The following SAMD5 variants were observed in gnomAD, a reference collection of about 807,000 sequenced individuals.
The protein encoded by SAMD5 is sterile alpha motif domain-containing protein 5.
Under a neutral mutation model 11.3 loss-of-function variants are expected in SAMD5, and 13 were observed. That is an observed-to-expected ratio of 1.15 (90% CI 0.75 to 1.83). SAMD5 has a LOEUF of 1.83. SAMD5 is among the 40% of genes most tolerant of loss of function. SAMD5 has a pLI of 0.00. For missense variants in SAMD5, 255 were observed against 239.1 expected (o/e 1.07, Z -0.44); for synonymous variants, 129 against 111.3 (o/e 1.16, Z -1.00).
chr6:147,852,049 A>G, the SAMD5 span, among the ~76,000 whole-genome samples: 1 of 152,196 alleles, frequency 6.6e-6, no homozygotes, highest in Non-Finnish European at 1.5e-5. Flanking sequence ...TATATTTTTC[A>G]GTATCATAAA....
chr6:147,562,688 G>A (rs1465479660), intron 1 of SAMD5, among the ~76,000 whole-genome samples: 2 of 152,158 alleles, frequency 1.3e-5, no homozygotes, highest in Non-Finnish European at 2.9e-5. Context: ...CGGGCTTGGT[G>A]GCGGGCGCCT....
intron 1 of SAMD5, among the ~76,000 whole-genome samples, chr6:147,618,239 C>G (rs762058287): frequency 6.6e-6 from 1 of 152,138 alleles, no homozygotes; most frequent in African/African-American, 2.4e-5. Flanking sequence ...AATAAGACAG[C>G]GCCATGCTCA....
chr6:147,814,290 A>G, the SAMD5 span, among the ~76,000 whole-genome samples: 1 of 152,208 alleles, frequency 6.6e-6, no homozygotes, highest in Admixed American at 6.5e-5. Context: ...ATAAATATTT[A>G]CATATATATT....
intron 1 of SAMD5, among the ~76,000 whole-genome samples, chr6:147,663,061 G>A (rs771422550): frequency 6.6e-6 from 1 of 152,118 alleles, no homozygotes; most frequent in Non-Finnish European, 1.5e-5. Context: ...TGCAATTAAG[G>A]CTTTAGTCAG....
Position 147,566,237 on chromosome 6 carries a change from A to T in SAMD5, c.*1781A>T. ...AGCATGTATAGGTTGTCCTTAAATTATACAAAAGCTTTTAGTTTCATCAGG... is the reference window on the plus strand; with the variant it reads ...AGCATGTATAGGTTGTCCTTAAATTTTACAAAAGCTTTTAGTTTCATCAGG... On this transcript the variant is annotated 3_prime_UTR_variant, in exon 2 of 2. Coordinates refer to ENST00000367474, the MANE Select transcript of SAMD5 (RefSeq NM_001030060.3). 1.0e-6 allele frequency: 1 copy of T among 978,466 alleles called. No homozygotes were observed. The highest frequency in any genetic ancestry group is 1.2e-6 in the Non-Finnish European group (1 of 823,580). 60.6% of individuals were successfully genotyped at this position (978,466 alleles called of 1,614,324 possible). A position where few individuals can be genotyped will look rare whatever the true frequency, so the allele number is the denominator to read the frequency against.
chr6:147,722,412 A>G (rs1471033484), intron 1 of SAMD5, among the ~76,000 whole-genome samples: 2 of 152,210 alleles, frequency 1.3e-5, no homozygotes, highest in Non-Finnish European at 1.5e-5. Context: ...GTATTTGCCA[A>G]TATTTTATGC....
At chr6:147,584,514 G>T (rs763409199) in intron 1 of SAMD5, among the ~76,000 whole-genome samples, 11 of 152,080 alleles carry the variant, frequency 7.2e-5, no homozygotes, top group Non-Finnish European at 1.5e-4. Context: ...CTTCCCAAAG[G>T]CCTGGACTAG....
At chr6:147,576,427 C>T (rs1789218380) in intron 1 of SAMD5, among the ~76,000 whole-genome samples, 1 of 152,180 alleles carries the variant, frequency 6.6e-6, no homozygotes, top group South Asian at 2.1e-4. Flanking sequence ...GCGTGAGCCA[C>T]TGTGCCTGAC....
chr6:147,881,955 G>A, the SAMD5 span, among the ~76,000 whole-genome samples: 1 of 152,158 alleles, frequency 6.6e-6, no homozygotes, highest in Admixed American at 6.5e-5. Flanking sequence ...ATTGTCCAGT[G>A]CCCGATATGA....
At chr6:147,844,044 A>G in the SAMD5 span, among the ~76,000 whole-genome samples, 47 of 152,314 alleles carry the variant, frequency 3.1e-4, no homozygotes, top group Admixed American at 9.8e-4. Flanking sequence ...CAATTAATAG[A>G]GTGAAGAGAC....
chr6:147,765,323 C>A, the SAMD5 span, among the ~76,000 whole-genome samples: 2 of 152,068 alleles, frequency 1.3e-5, no homozygotes, highest in African/African-American at 4.8e-5. Flanking sequence ...AGGCTAAATT[C>A]TTGTGTTAGA....
At chr6:147,539,440 C>CAA (rs1425029652) in intron 1 of SAMD5, among the ~76,000 whole-genome samples, 1 of 152,092 alleles carries the variant, frequency 6.6e-6, no homozygotes, top group East Asian at 1.9e-4. Flanking sequence ...TATTACACAC[C>CAA]AAAGTTCTTT....
At chr6:147,898,230 C>T in the SAMD5 span, among the ~76,000 whole-genome samples, 352 of 152,202 alleles carry the variant, frequency 2.3e-3, 4 homozygotes, top group East Asian at 0.012. Flanking sequence ...GCCAAGAAGA[C>T]TCAGTACTCA....
chr6:147,804,468 C>G, the SAMD5 span, among the ~76,000 whole-genome samples: 2 of 152,166 alleles, frequency 1.3e-5, no homozygotes, highest in Non-Finnish European at 2.9e-5. Context: ...ACAAAGTCCT[C>G]CCCATCTTTG....
At chr6:147,854,223 C>T in the SAMD5 span, among the ~76,000 whole-genome samples, 4 of 152,076 alleles carry the variant, frequency 2.6e-5, no homozygotes, top group East Asian at 7.7e-4. Context: ...AGAGGCTTGA[C>T]ACAATCTTGG....
intron 1 of SAMD5, among the ~76,000 whole-genome samples, chr6:147,685,968 A>C (rs11155524): frequency 6.6e-6 from 1 of 151,994 alleles, no homozygotes; most frequent in Non-Finnish European, 1.5e-5. Context: ...TTTTTGTTTC[A>C]TACAATTATA....
At chr6:147,628,467 G>A (rs1790090559) in intron 1 of SAMD5, among the ~76,000 whole-genome samples, 1 of 152,130 alleles carries the variant, frequency 6.6e-6, no homozygotes, top group Admixed American at 6.5e-5. Context: ...ATCACCAGGA[G>A]CCACATGGAT....
the SAMD5 span, among the ~76,000 whole-genome samples, chr6:147,826,906 G>C: frequency 6.6e-6 from 1 of 152,104 alleles, no homozygotes; most frequent in Non-Finnish European, 1.5e-5. Context: ...GCAGCAGTGG[G>C]TTTTGCAGCA....
chr6:147,606,600 C>T (rs1201418598), intron 1 of SAMD5, among the ~76,000 whole-genome samples: 2 of 151,730 alleles, frequency 1.3e-5, no homozygotes, highest in East Asian at 1.9e-4. Context: ...TAAATAGAGT[C>T]TAGATAGTGG....
Sources: allele counts gnomAD v4.1 joint callset (sites outside exome capture counted in the v4.1 genomes callset), GRCh38; gene constraint gnomAD v4.1.1; transcripts MANE v1.5; gene names NCBI Gene and HGNC (gene_info 2026-07-23, HGNC 2026-07-21).